JAG1: variants seen among roughly 807,000 people sequenced by gnomAD.
JAG1 encodes protein jagged-1.
A neutral mutation model predicts 148.7 loss-of-function variants in JAG1; 23 were observed. That is an observed-to-expected ratio of 0.15 (90% CI 0.11 to 0.22). JAG1 has a LOEUF of 0.22. Ranked by LOEUF, JAG1 falls within the 10% of genes least tolerant of loss-of-function variation. The pLI, the probability that JAG1 is intolerant of heterozygous loss-of-function variation, is 1.00. For synonymous variants in JAG1, 572 were observed against 598.3 expected, an observed-to-expected ratio of 0.96 and a Z score of 0.64; for missense variants, 1,054 against 1,611.2, an observed-to-expected ratio of 0.65 and a Z score of 5.92.
chr20:10,667,162 C>T (rs1043027425), intron 2 of JAG1, among the ~76,000 whole-genome samples: 2 of 152,246 alleles, frequency 1.3e-5, no homozygotes, highest in African/African-American at 4.8e-5. Context: ...CTGACGGACA[C>T]AAATAAACCG....
rs33967297 is a variant in JAG1 at position 10,644,276 on chromosome 20, TCACA to T, written c.2372+77_2372+80del. The T allele has an allele frequency of 0.064, 55,914 of 879,338 alleles. 2,233 individuals carry two copies. The highest frequency in any genetic ancestry group is 0.098 in the South Asian group (6,777 of 69,048). 54.5% of individuals were successfully genotyped at this position (879,338 alleles called of 1,614,324 possible). A position where few individuals can be genotyped will look rare whatever the true frequency, so the allele number is the denominator to read the frequency against. On this transcript the variant is annotated intron_variant, in intron 19 of 25. Transcript: ENST00000254958. ...TTTAAACACAATCCCTGGGTGATTCTCACACACACACACACACACACACACACAC... is the reference window on the plus strand; with the variant it reads ...TTTAAACACAATCCCTGGGTGATTCTCACACACACACACACACACACACAC...
In JAG1 at chr20:10,652,617, C is replaced by T; in HGVS notation, c.756-19G>A. The stretch of plus-strand genomic sequence containing the variant: ...CTGGCACCTGGAGACACACAGCACA[C>T]CTCCAGGTTAGCCTTTTGAACGTTA... On this transcript the variant is annotated intron_variant, in intron 5 of 25. Transcript: ENST00000254958. The T allele has an allele frequency of 6.2e-7, 1 of 1,613,492 alleles. No homozygotes were observed. Among genetic ancestry groups the T allele is most frequent in the Non-Finnish European group, 8.5e-7 (1 of 1,179,716 alleles).
In JAG1 at chr20:10,639,144, T is replaced by TAA. The variant is rs1221121909; in HGVS notation, c.*352_*353dup. ...AAAACAACTCAAGAGTCAATAAATA[T>TAA]AAATAAAACTATGATCTAAGACTGC... On this transcript the variant is annotated 3_prime_UTR_variant, in exon 26 of 26. Transcript: ENST00000254958. The TAA allele has an allele frequency of 6.6e-6, 2 of 301,764 alleles. No homozygotes were observed. Among genetic ancestry groups the TAA allele is most frequent in the East Asian group, 1.4e-4 (2 of 13,876 alleles). The allele number at this position is 301,764 out of a possible 1,614,324, so 18.7% of individuals were successfully genotyped here. A position where few individuals can be genotyped will look rare whatever the true frequency, so the allele number is the denominator to read the frequency against.
At chr20:10,668,985 A>G (rs1296888804) in intron 2 of JAG1, among the ~76,000 whole-genome samples, 3 of 151,862 alleles carry the variant, frequency 2.0e-5, no homozygotes, top group Non-Finnish European at 4.4e-5. Flanking sequence ...CTAAGAAACA[A>G]GACAACAAGG....
chr20:10,640,203 A>G (rs2067260789), intron 25 of JAG1, among the ~76,000 whole-genome samples: 2 of 152,250 alleles, frequency 1.3e-5, no homozygotes, highest in South Asian at 4.1e-4. Context: ...CAGCTCCTAC[A>G]GGCTCTTTGA....
chr20:10,642,116 C>A (rs1600179586), intron 21 of JAG1, among the ~76,000 whole-genome samples: 2 of 152,272 alleles, frequency 1.3e-5, no homozygotes, highest in East Asian at 3.9e-4. Flanking sequence ...TGAGCAGAGC[C>A]TTTGACTAGC....
In JAG1 at chr20:10,648,740, G is replaced by C. The variant is rs774753741; in HGVS notation, c.1396-18C>G. 6.2e-7 allele frequency: 1 copy of C among 1,611,652 alleles called. No individual in the cohort carries two copies. Among genetic ancestry groups the C allele is most frequent in the Non-Finnish European group, 8.5e-7 (1 of 1,178,058 alleles). On this transcript the variant is annotated intron_variant, in intron 11 of 25. Transcript: ENST00000254958. ...ACCAAATCCTAGAAGAGGAGAAGGG[G>C]AGAGAGAGACACATGCTTTTTTTCT...
At chr20:10,646,721 T>G (rs1452115300) in intron 14 of JAG1, among the ~76,000 whole-genome samples, 1 of 151,676 alleles carries the variant, frequency 6.6e-6, no homozygotes, top group African/African-American at 2.4e-5. Flanking sequence ...TCAGGAAGGC[T>G]GAGGCAGGCA....
rs1384874556 is a variant in JAG1, at chr20:10,639,807, C to G, written c.3348G>C (p.Arg1116=). ...GGTTTTTGATCTGGTTCAGCTGCTCCCGCACGTTGTTGGTGGTGTTGTCCT... is the reference window on the plus strand; with the variant it reads ...GGTTTTTGATCTGGTTCAGCTGCTCGCGCACGTTGTTGGTGGTGTTGTCCT... ...ASEDNTTNNV[R]EQLNQIKNPI... The change falls in exon 26 of 26, where the codon CGG becomes CGC. Residue 1116 remains arginine (R), a synonymous_variant. Coordinates refer to ENST00000254958, the MANE Select transcript of JAG1 (RefSeq NM_000214.3). 1 of 1,614,176 alleles carries G rather than the reference C, an allele frequency of 6.2e-7. No homozygotes were observed. The highest frequency in any genetic ancestry group is 8.5e-7 in the Non-Finnish European group (1 of 1,180,040).
chr20:10,652,792 G>A (rs1240373990), intron 5 of JAG1, 194 bp from the exon 6 acceptor site: 6 of 520,838 alleles, frequency 1.2e-5, no homozygotes, highest in South Asian at 4.0e-5. Context: ...CCTCCCAGCC[G>A]ACTCCTGACA....
In JAG1 at chr20:10,658,542, A is replaced by G; in HGVS notation, c.620T>C (p.Phe207Ser). 6.2e-7 allele frequency: 1 copy of G among 1,614,226 alleles called. No individual in the cohort carries two copies. Among genetic ancestry groups the G allele is most frequent in the Non-Finnish European group, 8.5e-7 (1 of 1,180,032 alleles). Reference sequence around the variant, plus strand: ...ATTCTGGTCACAGGCATAGTGTCCAAAGAAGTCATCTCTGGGGCGGCAGAA... The same window carrying G: ...ATTCTGGTCACAGGCATAGTGTCCAGAGAAGTCATCTCTGGGGCGGCAGAA... ...NKFCRPRDDFFGHYACDQNGN... is the reference protein window; with the variant it reads ...NKFCRPRDDFSGHYACDQNGN... Residue 207 changes from phenylalanine (F) to serine (S), a missense_variant, in exon 4 of 26, where the codon TTT becomes TCT. Coordinates refer to ENST00000254958, the MANE Select transcript of JAG1 (RefSeq NM_000214.3).
chr20:10,648,922 G>T, intron 11 of JAG1, 139 bp downstream of exon 11: 1 of 893,780 alleles, frequency 1.1e-6, no homozygotes. Flanking sequence ...GGTAACATAA[G>T]CCCTAGCGAA....
At chr20:10,650,491 C>G in intron 8 of JAG1, 131 bp from the exon 9 acceptor site, 1 of 691,976 alleles carries the variant, frequency 1.4e-6, no homozygotes, top group Non-Finnish European at 2.6e-6. Flanking sequence ...AAAGCTACAG[C>G]AGGACAAGTG....
chr20:10,641,806 T>A lies in JAG1; in HGVS notation c.2659A>T (p.Asn887Tyr). The change falls in exon 22 of 26, where the codon AAT (asparagine) becomes TAT (tyrosine). Residue 887 changes from asparagine (N) to tyrosine (Y), a missense_variant. By Grantham distance (143) the Asn-to-Tyr change is moderately radical. Transcript: ENST00000254958. ...ACCTTTGAGCAGGCGATCCGTCCAT[T>A]CAGGCACTGGCAGGTATTACAGTCA... ...DDDCNTCQCL[N>Y]GRIACSKVWC... The A allele has an allele frequency of 6.2e-7, 1 of 1,614,046 alleles. No homozygotes were observed.
At position 10,649,021 on chromosome 20, in the gene JAG1, T is replaced by C. The variant is rs767726269; in HGVS notation, c.1395+40A>G. Reference sequence around the variant, plus strand: ...GTCGCACAAATCTAAAGATTTGTTGTCAATTGTCAAAGTTTTGATTTAAGC... The same window carrying C: ...GTCGCACAAATCTAAAGATTTGTTGCCAATTGTCAAAGTTTTGATTTAAGC... On this transcript the variant is annotated intron_variant, in intron 11 of 25. Coordinates refer to ENST00000254958, the MANE Select transcript of JAG1 (RefSeq NM_000214.3). 2.7e-6 allele frequency: 4 copies of C among 1,507,740 alleles called. No individual in the cohort carries two copies. In the South Asian group the frequency reaches 4.5e-5, roughly 17 times the overall value. The allele number at this position is 1,507,740 out of a possible 1,614,324, so 93.4% of individuals were successfully genotyped here. A position where few individuals can be genotyped will look rare whatever the true frequency, so the allele number is the denominator to read the frequency against.
At chr20:10,640,352 C>T (rs763189501) in intron 25 of JAG1, among the ~76,000 whole-genome samples, 6 of 152,134 alleles carry the variant, frequency 3.9e-5, no homozygotes, top group Admixed American at 1.3e-4. Context: ...CCCAATCTCT[C>T]CCTTGGCTGA....
Position 10,652,616 on chromosome 20 carries a change from A to G in JAG1, c.756-18T>C, listed in dbSNP as rs781183554. The G allele has an allele frequency of 1.5e-5, 25 of 1,613,268 alleles. No individual in the cohort carries two copies. Among genetic ancestry groups the G allele is most frequent in the Non-Finnish European group, 2.1e-5 (25 of 1,179,680 alleles). ...ACTGGCACCTGGAGACACACAGCAC[A>G]CCTCCAGGTTAGCCTTTTGAACGTT... On this transcript the variant is annotated intron_variant, in intron 5 of 25. Transcript: ENST00000254958.
chr20:10,651,421 T>C, intron 8 of JAG1, 160 bp downstream of exon 8: 1 of 607,140 alleles, frequency 1.6e-6, no homozygotes. Flanking sequence ...CTGGGAGACT[T>C]CCAAACACAC....
chr20:10,665,047 C>T (rs1235868204), intron 2 of JAG1, among the ~76,000 whole-genome samples: 1 of 152,192 alleles, frequency 6.6e-6, no homozygotes. Context: ...GGAACATGAA[C>T]TAGGTTATGA....
Sources: gnomAD v4.1 joint callset for allele counts (sites outside exome capture counted in the v4.1 genomes callset) on GRCh38, gnomAD v4.1.1 for gene constraint, MANE v1.5 for transcripts, NCBI Gene and HGNC (gene_info 2026-07-23, HGNC 2026-07-21) for gene names.